HELZ: variants seen among roughly 807,000 people sequenced by gnomAD.
HELZ encodes the protein helicase with zinc finger.
Under a neutral mutation model 218.2 loss-of-function variants are expected in HELZ, and 23 were observed. The ratio of observed to expected loss-of-function variants is 0.11; its 90% CI spans 0.08 to 0.15. The LOEUF (loss-of-function observed/expected upper bound fraction) is 0.15, where lower values mean the gene tolerates loss of function less well. Ranked by LOEUF, HELZ falls within the 10% of genes least tolerant of loss-of-function variation. The pLI is 1.00. For synonymous variants in HELZ, 814 were observed against 829.4 expected (o/e 0.98, Z 0.32); for missense variants, 1,813 against 2,353.7 (o/e 0.77, Z 4.75).
chr17:67,123,471 T>C (rs1198179753), intron 25 of HELZ, among the ~76,000 whole-genome samples: 2 of 152,186 alleles, frequency 1.3e-5, no homozygotes, highest in African/African-American at 2.4e-5. Context: ...TAAACAGTCT[T>C]CTATCTAAAA....
chr17:67,109,106 T>C lies in HELZ; in HGVS notation c.4489+10A>G, dbSNP rs201033143. 40 of 1,581,924 alleles carry C rather than the reference T, an allele frequency of 2.5e-5. No individual in the cohort carries two copies. Among genetic ancestry groups the C allele is most frequent in the East Asian group, 1.6e-4 (7 of 44,620 alleles). On this transcript the variant is annotated intron_variant, in intron 29 of 32. Coordinates refer to ENST00000358691, the MANE Select transcript of HELZ (RefSeq NM_014877.4). ...TCTGAATTTTCACATCTGGCAGTAA[T>C]AGAACTTACCTAAAGCCTCCCCTAT... is the stretch of plus-strand genomic sequence containing the variant.
chr17:67,112,394 T>A (rs1431175599), intron 28 of HELZ, among the ~76,000 whole-genome samples: 1 of 152,210 alleles, frequency 6.6e-6, no homozygotes, highest in Non-Finnish European at 1.5e-5. Flanking sequence ...CGTCCCAAGC[T>A]GCCTCTGACT....
intron 17 of HELZ, among the ~76,000 whole-genome samples, chr17:67,158,069 C>T (rs901642039): frequency 1.3e-5 from 2 of 152,182 alleles, no homozygotes; most frequent in African/African-American, 4.8e-5. Flanking sequence ...ATTTTAAGTT[C>T]AGCTCAACTC....
intron 32 of HELZ, among the ~76,000 whole-genome samples, chr17:67,082,845 CTGTTTTTTTTTTT>C (rs1340184180): frequency 2.7e-5 from 4 of 145,504 alleles, no homozygotes; most frequent in South Asian, 2.2e-4. Context: ...TTAGTTTTAA[CTGTTTTTTTTTTT>C]TGTTTTTTTT....
In HELZ at chr17:67,165,057, C is replaced by T. The variant is rs914290077; in HGVS notation, c.1895+1421G>A. Among the ~76,000 whole-genome samples the T allele has an allele frequency of 4.6e-5, 7 of 152,196 alleles. No individual in the cohort carries two copies. In the South Asian group the frequency reaches 6.2e-4, roughly 14 times the overall value. On this transcript the variant is annotated intron_variant, in intron 15 of 32. Coordinates refer to ENST00000358691, the MANE Select transcript of HELZ (RefSeq NM_014877.4). ...AGGAAGCATGAAGAGGAGCTGAATC[C>T]GAAGAGAACTGGGAGATGTCACTGG... is the stretch of plus-strand genomic sequence containing the variant.
At chr17:67,093,732 C>T (rs2036644080) in intron 31 of HELZ, among the ~76,000 whole-genome samples, 1 of 152,162 alleles carries the variant, frequency 6.6e-6, no homozygotes, top group Non-Finnish European at 1.5e-5. Context: ...ATTTCCACTG[C>T]TACCCCACAG....
In HELZ at chr17:67,109,245, G is replaced by T; in HGVS notation, c.4360C>A (p.Pro1454Thr). The part of the protein sequence containing the change: ...PAEAVIPEQQ[P>T]PPMLQEGHSP... ...TGGCCTTCTTGCAGCATGGGAGGGGGCTGCTGCTCCGGAATTACAGCTTCT... is the reference window on the plus strand; with the variant it reads ...TGGCCTTCTTGCAGCATGGGAGGGGTCTGCTGCTCCGGAATTACAGCTTCT... The change falls in exon 29 of 33, where the codon CCC becomes ACC. Residue 1454 changes from proline (P) to threonine (T), a missense_variant. Pro to Thr is a conservative substitution (Grantham distance 38). This residue lies in a region of HELZ where 938 missense variants were observed against 1,027.5 expected (regional missense o/e 0.91). Transcript: ENST00000358691. 1 of 1,614,138 alleles carries T rather than the reference G, an allele frequency of 6.2e-7. No homozygotes were observed. The highest frequency in any genetic ancestry group is 8.5e-7 in the Non-Finnish European group (1 of 1,180,020).
chr17:67,181,183 T>A (rs1211366838), intron 12 of HELZ, among the ~76,000 whole-genome samples: 2 of 152,196 alleles, frequency 1.3e-5, no homozygotes, highest in Non-Finnish European at 2.9e-5. Context: ...TATTTTACAT[T>A]TCACTTTAAA....
chr17:67,073,785 C>T lies in HELZ; in HGVS notation c.*4467G>A, dbSNP rs1350665674. On this transcript the variant is annotated 3_prime_UTR_variant, in exon 33 of 33. Coordinates refer to ENST00000358691, the MANE Select transcript of HELZ (RefSeq NM_014877.4). ...AACAGGATGTGTTTAGTAAGATTCA[C>T]TCCTTGCAACAATGGTCTTGACATT... 2 of 152,132 alleles carry T rather than the reference C, an allele frequency of 1.3e-5. No individual in the cohort carries two copies. The highest frequency in any genetic ancestry group is 4.8e-5 in the African/African-American group (2 of 41,434). The allele number at this position is 152,132 out of a possible 1,614,324, so 9.4% of individuals were successfully genotyped here.
At position 67,188,300 on chromosome 17, in the gene HELZ, A is replaced by G. The variant is rs760709068; in HGVS notation, c.1162+19T>C. 22 of 1,587,232 alleles carry G rather than the reference A, an allele frequency of 1.4e-5. No homozygotes were observed. Among genetic ancestry groups the G allele is most frequent in the Admixed American group, 1.0e-4 (6 of 58,356 alleles). Reference sequence around the variant, plus strand: ...GCTTTTTAACACATTGTATCGGGGGAAAAAAGTCTAAATATTACCTTCTGT... The same window carrying G: ...GCTTTTTAACACATTGTATCGGGGGGAAAAAGTCTAAATATTACCTTCTGT... On this transcript the variant is annotated intron_variant, in intron 12 of 32. Transcript: ENST00000358691. The surrounding 1 kb of genome is among the most constrained non-coding windows in gnomAD (Gnocchi z 4.1).
intron 20 of HELZ, among the ~76,000 whole-genome samples, chr17:67,146,384 G>A (rs973144796): frequency 6.6e-6 from 1 of 152,200 alleles, no homozygotes; most frequent in Non-Finnish European, 1.5e-5. Flanking sequence ...ATTCAGTACA[G>A]TAGCATGCTT....
intron 6 of HELZ, among the ~76,000 whole-genome samples, chr17:67,202,143 A>C (rs1449708731): frequency 6.6e-6 from 1 of 152,162 alleles, no homozygotes. Flanking sequence ...ACAGCAGAGC[A>C]AAGTATACAT....
intron 31 of HELZ, among the ~76,000 whole-genome samples, chr17:67,103,472 A>T (rs541116849): frequency 6.6e-6 from 1 of 152,340 alleles, no homozygotes; most frequent in South Asian, 2.1e-4. Flanking sequence ...AAATGAAATT[A>T]AGAAAACAAT....
chr17:67,171,599 C>G (rs1356679714), intron 13 of HELZ, among the ~76,000 whole-genome samples: 1 of 152,136 alleles, frequency 6.6e-6, no homozygotes, highest in Non-Finnish European at 1.5e-5. Flanking sequence ...GACTTCTTGT[C>G]TCAAATCTGT....
rs71368808 is a variant in HELZ at position 67,238,349 on chromosome 17, CAAAAAAAAAAAA to C, written c.-19+1072_-19+1083del. Among the ~76,000 whole-genome samples, 15 of 46,964 alleles carry C rather than the reference CAAAAAAAAAAAA, an allele frequency of 3.2e-4. No homozygotes were observed. The Admixed American group carries it at 3.3e-3, about 10-fold the overall frequency. The allele number at this position is 46,964 out of a possible 152,430, so 30.8% of individuals were successfully genotyped here. ...GCGACACTGCCAAGACTCTGTCTCT[CAAAAAAAAAAAA>C]AAAAAAAAAGGAAGAAAATTAATTT... On this transcript the variant is annotated intron_variant, in intron 3 of 32. Transcript: ENST00000358691.
At chr17:67,132,223 T>C (rs1375305041) in intron 23 of HELZ, among the ~76,000 whole-genome samples, 1 of 147,088 alleles carries the variant, frequency 6.8e-6, no homozygotes, top group Non-Finnish European at 1.5e-5. Context: ...GGTCACTGTG[T>C]GTGTGTGTGT....
At chr17:67,139,767 TG>T (rs2038265481) in intron 21 of HELZ, among the ~76,000 whole-genome samples, 1 of 152,206 alleles carries the variant, frequency 6.6e-6, no homozygotes, top group Non-Finnish European at 1.5e-5. Flanking sequence ...CTTACAGAAC[TG>T]TTTTAACGGC....
intron 27 of HELZ, among the ~76,000 whole-genome samples, chr17:67,116,214 A>G (rs1355889876): frequency 6.6e-6 from 1 of 152,134 alleles, no homozygotes; most frequent in Non-Finnish European, 1.5e-5. Context: ...AGTCATTAAA[A>G]AAAAAAATAC....
chr17:67,138,225 T>TTAAAA, intron 21 of HELZ, 111 bp from the exon 22 acceptor site: 1 of 541,522 alleles, frequency 1.8e-6, no homozygotes, highest in Non-Finnish European at 2.8e-6. Flanking sequence ...AGATGTCATT[T>TTAAAA]AAAAAAAAAA....
Sources: allele counts gnomAD v4.1 joint callset (sites outside exome capture counted in the v4.1 genomes callset), GRCh38; gene constraint gnomAD v4.1.1; regional missense constraint gnomAD v4.1.1; non-coding constraint Gnocchi (gnomAD v3.1); transcripts MANE v1.5; gene names NCBI Gene and HGNC (gene_info 2026-07-23, HGNC 2026-07-21).